The following FAT4 variants were observed in gnomAD, a reference collection of about 807,000 sequenced individuals.
FAT4 encodes protocadherin Fat 4.
FAT4 carries 84 observed loss-of-function variants against 303.9 expected under a neutral mutation model. The ratio of observed to expected loss-of-function variants is 0.28; its 90% CI spans 0.23 to 0.33. The LOEUF is 0.33. Among genes scored for constraint, FAT4 ranks in the 10% least tolerant of loss-of-function variants. The pLI, the probability that FAT4 is intolerant of heterozygous loss-of-function variation, is 1.00. For missense variants in FAT4, 6,005 were observed against 6,146.8 expected (o/e 0.98, Z 0.77); for synonymous variants, 2,307 against 2,298.8 (o/e 1.00, Z -0.10).
At position 125,487,602 on chromosome 4, in the gene FAT4, A is replaced by G. The variant is rs767959612; in HGVS notation, c.13080A>G (p.Gln4360=). 17 of 1,603,174 alleles carry G rather than the reference A, an allele frequency of 1.1e-5. No homozygotes were observed. Among genetic ancestry groups the G allele is most frequent in the Admixed American group, 1.7e-5 (1 of 58,880 alleles). Residue 4360 remains glutamine, a synonymous_variant, in exon 17 of 18, where the codon CAA becomes CAG. Coordinates refer to ENST00000394329, the MANE Select transcript of FAT4 (RefSeq NM_001291303.3). ...CCAATCAAGCACATCGAGATGCCCAAACAGGTAAATGCCTTTATTAAGTAG... is the reference window on the plus strand; with the variant it reads ...CCAATCAAGCACATCGAGATGCCCAGACAGGTAAATGCCTTTATTAAGTAG... ...IPPNQAHRDA[Q]TAGFDGCIAS...
intron 2 of FAT4, among the ~76,000 whole-genome samples, chr4:125,382,103 G>A (rs1041175136): frequency 2.0e-5 from 3 of 152,156 alleles, no homozygotes; most frequent in African/African-American, 7.2e-5. Flanking sequence ...ACCCTTCAAA[G>A]TCATCCTTAA....
chr4:125,447,062 G>T (rs1725851494), intron 9 of FAT4, among the ~76,000 whole-genome samples: 1 of 151,854 alleles, frequency 6.6e-6, no homozygotes, highest in Admixed American at 6.6e-5. Context: ...TTTTATTCCA[G>T]GTTTTACAAA....
chr4:125,435,433 G>C (rs1298214916), intron 8 of FAT4, among the ~76,000 whole-genome samples: 3 of 152,190 alleles, frequency 2.0e-5, no homozygotes, highest in African/African-American at 7.2e-5. Context: ...GAGACATTAA[G>C]AATTATCAGC....
chr4:125,401,867 C>T (rs1734402087), intron 3 of FAT4, among the ~76,000 whole-genome samples: 1 of 151,726 alleles, frequency 6.6e-6, no homozygotes, highest in East Asian at 1.9e-4. Context: ...TTTTAGAATT[C>T]CTTCTATGTG....
chr4:125,416,812 G>T (rs1169961867), intron 7 of FAT4, among the ~76,000 whole-genome samples, 190 bp downstream of exon 7: 3 of 152,010 alleles, frequency 2.0e-5, no homozygotes, highest in Non-Finnish European at 4.4e-5. Flanking sequence ...TGGACATGGT[G>T]GTGCGTGCCT....
intron 2 of FAT4, among the ~76,000 whole-genome samples, chr4:125,322,308 C>A: frequency 6.6e-6 from 1 of 152,110 alleles, no homozygotes; most frequent in African/African-American, 2.4e-5. Context: ...GGGATAGATA[C>A]ACTCTGTTCT....
chr4:125,448,940 A>G lies in FAT4; in HGVS notation c.7930A>G (p.Arg2644Gly). The G allele has an allele frequency of 6.2e-7, 1 of 1,613,700 alleles. No homozygotes were observed. The highest frequency in any genetic ancestry group is 2.2e-5 in the East Asian group (1 of 44,864). Residue 2644 changes from arginine (R) to glycine (G), a missense_variant, in exon 10 of 18, where the codon AGA (arginine) becomes GGA (glycine). Arg to Gly is a moderately radical substitution (Grantham distance 125, BLOSUM62 -2). Transcript: ENST00000394329. Reference sequence around the variant, plus strand: ...AAAATATGTTGTATGGATAGAGGCCAGAGACGGTGGTTTCCCTCCTTTCTC... The same window carrying G: ...AAAATATGTTGTATGGATAGAGGCCGGAGACGGTGGTTTCCCTCCTTTCTC... ...IQKYVVWIEA[R>G]DGGFPPFSSY...
In FAT4 at chr4:125,451,825, A is replaced by C. The variant is rs756748281; in HGVS notation, c.10815A>C (p.Thr3605=). Residue 3605 remains threonine, a synonymous_variant, in exon 10 of 18, where the codon ACA becomes ACC. Coordinates refer to ENST00000394329, the MANE Select transcript of FAT4 (RefSeq NM_001291303.3). ...CTTCCACAGGAACTGTGCATATCAC[A>C]GTTATAGACCAAAATGACAATCCTT... is the stretch of plus-strand genomic sequence containing the variant. The part of the protein sequence containing the change: ...QMSSTGTVHI[T]VIDQNDNPSQ... 3.1e-6 allele frequency: 5 copies of C among 1,614,162 alleles called. No individual in the cohort carries two copies. Among genetic ancestry groups the C allele is most frequent in the Non-Finnish European group, 4.2e-6 (5 of 1,180,026 alleles).
At position 125,491,172 on chromosome 4, in the gene FAT4, C is replaced by CCT; in HGVS notation, c.14357_14358insTC (p.Val4787GlnfsTer105). The CCT allele has an allele frequency of 6.2e-7, 1 of 1,614,100 alleles. No individual in the cohort carries two copies. Among genetic ancestry groups the CCT allele is most frequent in the Non-Finnish European group, 8.5e-7 (1 of 1,180,020 alleles). On this transcript the variant is annotated frameshift_variant, in exon 18 of 18. Coordinates refer to ENST00000394329, the MANE Select transcript of FAT4 (RefSeq NM_001291303.3). LOFTEE classifies it high-confidence loss of function. ...GCAGATTCCACTGGAATCTTCTCCTCCAGTCGGACTTTCTATTGAAGAAGT... is the reference window on the plus strand; with the variant it reads ...GCAGATTCCACTGGAATCTTCTCCTCCTCAGTCGGACTTTCTATTGAAGAAGT...
chr4:125,484,060 T>TACAC lies in FAT4; in HGVS notation c.12822+2355_12822+2358dup, dbSNP rs34883833. 3.3e-3 allele frequency among the ~76,000 whole-genome samples: 457 copies of TACAC among 138,242 alleles called. 2 individuals carry two copies. Among genetic ancestry groups the TACAC allele is most frequent in the African/African-American group, 7.6e-3 (278 of 36,534 alleles). The allele number at this position is 138,242 out of a possible 152,430, so 90.7% of individuals were successfully genotyped here. ...TTCTCTCTCTCTCTACAGACACACA[T>TACAC]ACACACACACACACACACACACACA... On this transcript the variant is annotated intron_variant, in intron 16 of 17. Coordinates refer to ENST00000394329, the MANE Select transcript of FAT4 (RefSeq NM_001291303.3).
chr4:125,364,163 C>G (rs1276563140), intron 2 of FAT4, among the ~76,000 whole-genome samples: 1 of 151,916 alleles, frequency 6.6e-6, no homozygotes, highest in Non-Finnish European at 1.5e-5. Context: ...CTCTCCACCC[C>G]ATGTGTGCCC....
intron 12 of FAT4, among the ~76,000 whole-genome samples, chr4:125,473,313 G>C (rs1726924963): frequency 6.6e-6 from 1 of 151,998 alleles, no homozygotes; most frequent in African/African-American, 2.4e-5. Context: ...ATTATGAGTA[G>C]TGCCTAAAAA....
chr4:125,319,887 A>T lies in FAT4; in HGVS notation c.3476A>T (p.His1159Leu). 6.2e-7 allele frequency: 1 copy of T among 1,614,112 alleles called. No homozygotes were observed. The highest frequency in any genetic ancestry group is 8.5e-7 in the Non-Finnish European group (1 of 1,180,006). The change falls in exon 2 of 18, where the codon CAT becomes CTT. Residue 1159 changes from histidine (H) to leucine (L), a missense_variant. By Grantham distance (99) the His-to-Leu change is moderately conservative. Coordinates refer to ENST00000394329, the MANE Select transcript of FAT4 (RefSeq NM_001291303.3). ...ATCAGTGGGGAAATTACAAATACTC[A>T]TCAGTTTGACAGGGAGTCTCTTATG... is the stretch of plus-strand genomic sequence containing the variant. The part of the protein sequence containing the change: ...HAISGEITNT[H>L]QFDRESLMRR...
At chr4:125,355,667 T>G (rs1414686004) in intron 2 of FAT4, among the ~76,000 whole-genome samples, 1 of 152,044 alleles carries the variant, frequency 6.6e-6, no homozygotes, top group Non-Finnish European at 1.5e-5. Context: ...TTTCACATCT[T>G]CATCTCATTT....
At chr4:125,345,152 A>G (rs1362153158) in intron 2 of FAT4, among the ~76,000 whole-genome samples, 1 of 152,086 alleles carries the variant, frequency 6.6e-6, no homozygotes, top group African/African-American at 2.4e-5. Context: ...ATGGTCAACG[A>G]TTGTTTAAAA....
At chr4:125,414,088 G>GT (rs1734948603) in intron 5 of FAT4, among the ~76,000 whole-genome samples, 3 of 151,880 alleles carry the variant, frequency 2.0e-5, no homozygotes, top group Admixed American at 2.0e-4. Flanking sequence ...ACTTCTTTCT[G>GT]TTTTCACTGC....
Position 125,416,590 on chromosome 4 carries a change from G to T in FAT4, c.6986G>T (p.Arg2329Leu). ...AGTCTGGATCGGGAAACAAAAGAGCGCTTTGTCTTAATGATTACAGCTACA... is the reference window on the plus strand; with the variant it reads ...AGTCTGGATCGGGAAACAAAAGAGCTCTTTGTCTTAATGATTACAGCTACA... Reference protein sequence around the residue: ...TQSLDRETKERFVLMITATDS... With the variant: ...TQSLDRETKELFVLMITATDS... The change falls in exon 7 of 18, where the codon CGC becomes CTC. Residue 2329 changes from arginine to leucine, a missense_variant. Arg to Leu is a moderately radical substitution (Grantham distance 102). Coordinates refer to ENST00000394329, the MANE Select transcript of FAT4 (RefSeq NM_001291303.3). 6.2e-7 allele frequency: 1 copy of T among 1,613,798 alleles called. No individual in the cohort carries two copies. The highest frequency in any genetic ancestry group is 8.5e-7 in the Non-Finnish European group (1 of 1,179,822).
At chr4:125,474,729 C>T (rs1726970734) in intron 12 of FAT4, among the ~76,000 whole-genome samples, 2 of 151,822 alleles carry the variant, frequency 1.3e-5, no homozygotes, top group African/African-American at 4.8e-5. Flanking sequence ...TTACAAGTCT[C>T]CCATTTAAAT....
chr4:125,491,353 C>G lies in FAT4; in HGVS notation c.14537C>G (p.Ser4846Cys). The G allele has an allele frequency of 2.5e-6, 4 of 1,614,142 alleles. No individual in the cohort carries two copies. Among genetic ancestry groups the G allele is most frequent in the Non-Finnish European group, 3.4e-6 (4 of 1,180,022 alleles). ...CCAGAATCCTCTTCTGATAGTGACT[C>G]CCATGAATCTTTCACTTGCTCAGAA... ...PAPESSSDSD[S>C]HESFTCSEME... The change falls in exon 18 of 18, where the codon TCC (serine) becomes TGC (cysteine). Residue 4846 changes from serine to cysteine, a missense_variant. Ser to Cys is a moderately radical substitution (Grantham distance 112). Transcript: ENST00000394329.
Sources: gnomAD v4.1 joint callset for allele counts (sites outside exome capture counted in the v4.1 genomes callset) on GRCh38, gnomAD v4.1.1 for gene constraint, MANE v1.5 for transcripts, NCBI Gene and HGNC (gene_info 2026-07-23, HGNC 2026-07-21) for gene names.